The following CNTN4 variants were observed in gnomAD, a reference collection of about 807,000 sequenced individuals.
CNTN4 encodes the protein contactin-4.
CNTN4 carries 77 observed loss-of-function variants against 122.5 expected under a neutral mutation model. The observed-to-expected ratio is 0.63, with a 90% CI of 0.52 to 0.76. The LOEUF is 0.76. CNTN4 is among the 30% of genes least tolerant of loss of function. The pLI, the probability that CNTN4 is intolerant of heterozygous loss-of-function variation, is 0.00. For synonymous variants in CNTN4, 512 were observed against 447.0 expected (o/e 1.15, Z -1.83); for missense variants, 1,256 against 1,259.1 (o/e 1.00, Z 0.04).
chr3:2,884,119 G>A (rs1430400118), intron 9 of CNTN4, among the ~76,000 whole-genome samples: 2 of 150,008 alleles, frequency 1.3e-5, no homozygotes, highest in Non-Finnish European at 3.0e-5. Flanking sequence ...TTTATTTTTC[G>A]GTAGAGGCAG....
At chr3:2,526,555 A>G (rs546353364) in intron 3 of CNTN4, among the ~76,000 whole-genome samples, 11 of 152,146 alleles carry the variant, frequency 7.2e-5, no homozygotes, top group Non-Finnish European at 1.6e-4. Flanking sequence ...TCCAAGAATA[A>G]ATTTATTCCA....
Position 2,134,885 on chromosome 3 carries a change from T to G in CNTN4, c.-145+34246T>G, listed in dbSNP as rs552282854. On this transcript the variant is annotated intron_variant, in intron 2 of 24. Coordinates refer to ENST00000418658, the MANE Select transcript of CNTN4 (RefSeq NM_175607.3). Reference sequence around the variant, plus strand: ...ACCTCCCACATTATGGAGGGCAATCTGCTTTACTTAGTCTGGAGATTCAAA... The same window carrying G: ...ACCTCCCACATTATGGAGGGCAATCGGCTTTACTTAGTCTGGAGATTCAAA... Among the ~76,000 whole-genome samples, 111 of 152,364 alleles carry G rather than the reference T, an allele frequency of 7.3e-4. 1 individual carries two copies. Among genetic ancestry groups the G allele is most frequent in the Admixed American group, 7.1e-3 (109 of 15,296 alleles).
At chr3:2,601,831 C>T (rs2081060466) in intron 4 of CNTN4, among the ~76,000 whole-genome samples, 1 of 151,998 alleles carries the variant, frequency 6.6e-6, no homozygotes, top group South Asian at 2.1e-4. Context: ...AACATTGATG[C>T]AAAAATTCTC....
chr3:2,745,910 A>G (rs2089726553), intron 6 of CNTN4, among the ~76,000 whole-genome samples: 1 of 152,152 alleles, frequency 6.6e-6, no homozygotes, highest in African/African-American at 2.4e-5. Context: ...ATAAGGATTG[A>G]GATAGTTGAT....
At chr3:2,438,337 C>T (rs952444937) in intron 3 of CNTN4, among the ~76,000 whole-genome samples, 8 of 152,110 alleles carry the variant, frequency 5.3e-5, no homozygotes, top group South Asian at 2.1e-4. Context: ...GGCTGGCCAA[C>T]GTGGTGAAAC....
intron 2 of CNTN4, among the ~76,000 whole-genome samples, chr3:2,270,696 G>A (rs1042009099): frequency 1.6e-5 from 2 of 125,210 alleles, no homozygotes; most frequent in Non-Finnish European, 3.9e-5. Flanking sequence ...CATGAGATTT[G>A]CTTAAGGAAG....
intron 3 of CNTN4, among the ~76,000 whole-genome samples, chr3:2,486,863 G>C (rs73114204): frequency 1.5e-4 from 23 of 152,228 alleles, no homozygotes; most frequent in African/African-American, 5.5e-4. Context: ...TTTAAAGTTA[G>C]GGTCCTAGTT....
intron 2 of CNTN4, among the ~76,000 whole-genome samples, chr3:2,177,833 C>A (rs1179578579): frequency 6.6e-6 from 1 of 152,208 alleles, no homozygotes; most frequent in East Asian, 1.9e-4. Flanking sequence ...ACTTTCAAAG[C>A]AATATCAAGA....
At chr3:2,300,360 A>T (rs1388219919) in intron 2 of CNTN4, among the ~76,000 whole-genome samples, 1 of 152,098 alleles carries the variant, frequency 6.6e-6, no homozygotes, top group Non-Finnish European at 1.5e-5. Context: ...ACGTTCTCAA[A>T]ATAGAGGGGA....
chr3:2,241,756 C>T (rs2039951599), intron 2 of CNTN4, among the ~76,000 whole-genome samples: 1 of 152,178 alleles, frequency 6.6e-6, no homozygotes, highest in African/African-American at 2.4e-5. Context: ...ACAAGTCATG[C>T]TCTTCTAAGC....
chr3:2,887,062 C>A lies in CNTN4; in HGVS notation c.778C>A (p.Arg260=). 2 of 1,613,744 alleles carry A rather than the reference C, an allele frequency of 1.2e-6. No homozygotes were observed. The highest frequency in any genetic ancestry group is 2.2e-5 in the East Asian group (1 of 44,854). Residue 260 remains arginine (R), a synonymous_variant, in exon 10 of 25, where the codon CGA becomes AGA. Transcript: ENST00000418658. Reference sequence around the variant, plus strand: ...CAGTCCAGTACCAACTATTATCTGGCGAAGAGCTGATGGAAAGCCAATAGC... The same window carrying A: ...CAGTCCAGTACCAACTATTATCTGGAGAAGAGCTGATGGAAAGCCAATAGC... ...LGNPVPTIIW[R]RADGKPIARK...
chr3:2,853,180 C>T (rs1012595430), intron 7 of CNTN4, among the ~76,000 whole-genome samples: 11 of 136,542 alleles, frequency 8.1e-5, no homozygotes, highest in Non-Finnish European at 1.5e-4. Context: ...TCACAGGGGA[C>T]GGAAAAAAAA....
chr3:2,129,443 A>G (rs552243930), intron 2 of CNTN4, among the ~76,000 whole-genome samples: 1 of 144,766 alleles, frequency 6.9e-6, no homozygotes, highest in South Asian at 2.4e-4. Context: ...GCTATTTTGG[A>G]TTCTCTCACT....
chr3:2,692,906 G>C (rs564823523), intron 4 of CNTN4, among the ~76,000 whole-genome samples: 10 of 148,528 alleles, frequency 6.7e-5, no homozygotes. Flanking sequence ...AAACCTTAAA[G>C]ACTAATTTAA....
At chr3:2,633,257 C>G (rs2082521858) in intron 4 of CNTN4, among the ~76,000 whole-genome samples, 1 of 152,116 alleles carries the variant, frequency 6.6e-6, no homozygotes, top group Non-Finnish European at 1.5e-5. Context: ...AATGATGCCC[C>G]CACCCAGGAT....
At chr3:2,915,681 T>G (rs1186714275) in intron 12 of CNTN4, among the ~76,000 whole-genome samples, 1 of 152,178 alleles carries the variant, frequency 6.6e-6, no homozygotes, top group Non-Finnish European at 1.5e-5. Flanking sequence ...CCATATAATC[T>G]GGCAATCCTA....
chr3:2,861,283 C>T (rs1451056773), intron 7 of CNTN4, among the ~76,000 whole-genome samples: 1 of 152,158 alleles, frequency 6.6e-6, no homozygotes, highest in East Asian at 1.9e-4. Flanking sequence ...CTTTGCTCAG[C>T]ACACTGATAA....
chr3:2,763,223 G>C (rs981898509), intron 6 of CNTN4, among the ~76,000 whole-genome samples: 1 of 152,156 alleles, frequency 6.6e-6, no homozygotes, highest in Non-Finnish European at 1.5e-5. Flanking sequence ...GGGATTACAG[G>C]CGTAAGCCAC....
At chr3:2,845,355 T>G (rs982007030) in intron 7 of CNTN4, among the ~76,000 whole-genome samples, 2 of 151,936 alleles carry the variant, frequency 1.3e-5, no homozygotes, top group African/African-American at 4.8e-5. Context: ...TAAAAATAAA[T>G]AAAAGGTAAG....
Sources: gnomAD v4.1 joint callset for allele counts (sites outside exome capture counted in the v4.1 genomes callset) on GRCh38, gnomAD v4.1.1 for gene constraint, MANE v1.5 for transcripts, NCBI Gene and HGNC (gene_info 2026-07-23, HGNC 2026-07-21) for gene names.